EDIL3: variants seen among roughly 807,000 people sequenced by gnomAD.
EDIL3 encodes the protein EGF like and discoidin domains 3, also known as EGF-like repeat and discoidin I-like domain-containing protein 3.
A neutral mutation model predicts 67.4 loss-of-function variants in EDIL3; 37 were observed. The observed-to-expected ratio is 0.55, with a 90% CI of 0.42 to 0.72. The LOEUF (loss-of-function observed/expected upper bound fraction) is 0.72, where lower values mean the gene tolerates loss of function less well. EDIL3 is among the 30% of genes least tolerant of loss of function. EDIL3 has a pLI of 0.00. For missense variants in EDIL3, 527 were observed against 586.3 expected, an observed-to-expected ratio of 0.90 and a Z score of 1.04; for synonymous variants, 195 against 196.3, an observed-to-expected ratio of 0.99 and a Z score of 0.05.
At chr5:84,305,887 A>ATAAG (rs1447930841) in intron 1 of EDIL3, among the ~76,000 whole-genome samples, 4 of 127,684 alleles carry the variant, frequency 3.1e-5, no homozygotes, top group African/African-American at 1.2e-4. Context: ...TTAAAAGTAA[A>ATAAG]TAAATAAATA....
intron 1 of EDIL3, among the ~76,000 whole-genome samples, chr5:84,330,887 T>A (rs957142212): frequency 8.5e-5 from 13 of 152,184 alleles, no homozygotes; most frequent in African/African-American, 2.9e-4. Context: ...CAGCAACTTC[T>A]CTGTTGTTTA....
intron 3 of EDIL3, among the ~76,000 whole-genome samples, chr5:84,218,854 G>C (rs1275965919): frequency 6.6e-6 from 1 of 152,142 alleles, no homozygotes; most frequent in African/African-American, 2.4e-5. Context: ...GAAAGGGTGG[G>C]AAGGACTTTG....
chr5:84,356,911 T>TTTTTTTTTTTTC, intron 1 of EDIL3, among the ~76,000 whole-genome samples: 1 of 145,920 alleles, frequency 6.9e-6, no homozygotes, highest in Non-Finnish European at 1.5e-5. Context: ...TTTTTTTTTT[T>TTTTTTTTTTTTC]TTTTGGTCTC....
intron 9 of EDIL3, among the ~76,000 whole-genome samples, chr5:84,014,552 G>A (rs886635902): frequency 1.3e-5 from 2 of 152,158 alleles, no homozygotes; most frequent in African/African-American, 4.8e-5. Context: ...GGCTGAGGCA[G>A]AAGAATCGCT....
chr5:84,318,641 T>C (rs1356038954), intron 1 of EDIL3, among the ~76,000 whole-genome samples: 1 of 152,168 alleles, frequency 6.6e-6, no homozygotes, highest in Non-Finnish European at 1.5e-5. Context: ...CCTTACACTG[T>C]ATACAAAAAT....
At chr5:84,027,524 G>C (rs1745837399) in intron 9 of EDIL3, among the ~76,000 whole-genome samples, 1 of 141,644 alleles carries the variant, frequency 7.1e-6, no homozygotes, top group African/African-American at 2.6e-5. Flanking sequence ...AATGTCTAGT[G>C]CTTTTTATGG....
intron 10 of EDIL3, among the ~76,000 whole-genome samples, chr5:83,953,997 AT>A (rs1744463947): frequency 6.6e-6 from 1 of 151,960 alleles, no homozygotes; most frequent in Admixed American, 6.6e-5. Context: ...ATAAACATGG[AT>A]ATATGACAGG....
chr5:83,951,260 G>C (rs1370808465), intron 10 of EDIL3, among the ~76,000 whole-genome samples: 1 of 151,652 alleles, frequency 6.6e-6, no homozygotes, highest in Non-Finnish European at 1.5e-5. Flanking sequence ...TCCCATTGTT[G>C]CTCTCAAGAA....
chr5:84,330,665 A>C (rs540406681), intron 1 of EDIL3, among the ~76,000 whole-genome samples: 2 of 152,296 alleles, frequency 1.3e-5, no homozygotes, highest in Admixed American at 1.3e-4. Context: ...TTTATAATCC[A>C]GCCTGCAGTT....
intron 3 of EDIL3, among the ~76,000 whole-genome samples, chr5:84,182,009 C>T (rs565361516): frequency 6.6e-6 from 1 of 152,136 alleles, no homozygotes; most frequent in African/African-American, 2.4e-5. Flanking sequence ...TCAGCTGAAA[C>T]AAGAAGCAAG....
At chr5:83,980,647 C>T (rs1185367596) in intron 9 of EDIL3, among the ~76,000 whole-genome samples, 1 of 148,622 alleles carries the variant, frequency 6.7e-6, no homozygotes, top group African/African-American at 2.5e-5. Flanking sequence ...GAGATTGCGC[C>T]ACTGCACTGA....
At chr5:84,212,997 T>TAAA (rs199898963) in intron 3 of EDIL3, among the ~76,000 whole-genome samples, 29 of 108,964 alleles carry the variant, frequency 2.7e-4, no homozygotes, top group South Asian at 1.5e-3. Flanking sequence ...CAGAGAAGAC[T>TAAA]AAAAAAAAAA....
chr5:84,357,913 T>C (rs980406852), intron 1 of EDIL3, among the ~76,000 whole-genome samples: 1 of 139,690 alleles, frequency 7.2e-6, no homozygotes, highest in Non-Finnish European at 1.6e-5. Flanking sequence ...AAAAAGCAAG[T>C]GCAAAATGCA....
intron 6 of EDIL3, among the ~76,000 whole-genome samples, chr5:84,086,396 T>G (rs1020353123): frequency 6.6e-6 from 1 of 152,120 alleles, no homozygotes; most frequent in Non-Finnish European, 1.5e-5. Flanking sequence ...TCCCTTGTTT[T>G]GGGGGAGGGC....
At chr5:84,042,870 A>G (rs1328793445) in intron 9 of EDIL3, among the ~76,000 whole-genome samples, 1 of 152,196 alleles carries the variant, frequency 6.6e-6, no homozygotes, top group African/African-American at 2.4e-5. Flanking sequence ...TAAAACGGTG[A>G]ATATCCTAAT....
At chr5:84,095,327 T>G (rs1415133469) in intron 6 of EDIL3, among the ~76,000 whole-genome samples, 1 of 151,882 alleles carries the variant, frequency 6.6e-6, no homozygotes, top group Admixed American at 6.6e-5. Flanking sequence ...CAGGCAGAGG[T>G]TGGAACAGTT....
At chr5:84,096,136 C>G (rs956354661) in intron 6 of EDIL3, among the ~76,000 whole-genome samples, 11 of 152,146 alleles carry the variant, frequency 7.2e-5, no homozygotes, top group African/African-American at 2.7e-4. Context: ...TAGGGCAGTG[C>G]AGAAGGGAAA....
intron 1 of EDIL3, among the ~76,000 whole-genome samples, chr5:84,293,959 A>G (rs1036382139): frequency 3.3e-5 from 5 of 152,074 alleles, no homozygotes; most frequent in African/African-American, 1.2e-4. Flanking sequence ...GAACAATATT[A>G]TATATCCCAT....
In EDIL3 at chr5:84,384,874, T is replaced by A. The variant is rs1748202614; in HGVS notation, c.-500A>T. On this transcript the variant is annotated 5_prime_UTR_variant, in exon 1 of 11. Coordinates refer to ENST00000296591, the MANE Select transcript of EDIL3 (RefSeq NM_005711.5). ...GCACTGTGTACAAACAGAGGCGGCGTGCGTGTGAGTCTGAGCCTGGCAGGC... is the reference window on the plus strand; with the variant it reads ...GCACTGTGTACAAACAGAGGCGGCGAGCGTGTGAGTCTGAGCCTGGCAGGC... 1 of 152,314 alleles carries A rather than the reference T, an allele frequency of 6.6e-6. No homozygotes were observed. The highest frequency in any genetic ancestry group is 1.5e-5 in the Non-Finnish European group (1 of 68,210). 9.4% of individuals were successfully genotyped at this position (152,314 alleles called of 1,614,324 possible). A position where few individuals can be genotyped will look rare whatever the true frequency, so the allele number is the denominator to read the frequency against.
Sources: gnomAD v4.1 joint callset for allele counts (sites outside exome capture counted in the v4.1 genomes callset) on GRCh38, gnomAD v4.1.1 for gene constraint, MANE v1.5 for transcripts, NCBI Gene and HGNC (gene_info 2026-07-23, HGNC 2026-07-21) for gene names.